The following RNF157 variants were observed in gnomAD, a reference collection of about 807,000 sequenced individuals.
The protein encoded by RNF157 is ring finger protein 157, also known as E3 ubiquitin ligase RNF157.
RNF157 carries 55 observed loss-of-function variants against 88.3 expected under a neutral mutation model. The observed-to-expected ratio is 0.62, with a 90% confidence interval of 0.50 to 0.78. The LOEUF (loss-of-function observed/expected upper bound fraction) is 0.78. Ranked by LOEUF, RNF157 falls within the 30% of genes least tolerant of loss-of-function variation. The pLI is 0.00. For missense variants in RNF157, 788 were observed against 860.8 expected (o/e 0.92, Z 1.06); for synonymous variants, 334 against 341.2 (o/e 0.98, Z 0.23).
intron 1 of RNF157, among the ~76,000 whole-genome samples, chr17:76,213,218 AT>A (rs1399821330): frequency 6.6e-6 from 1 of 152,178 alleles, no homozygotes; most frequent in African/African-American, 2.4e-5. Context: ...ACACTGTGAT[AT>A]TGTAAAATAT....
intron 17 of RNF157, chr17:76,152,997 T>C (rs2598424): frequency 0.32 from 48,943 of 152,650 alleles, 8,693 homozygotes; most frequent in African/African-American, 0.48. Flanking sequence ...GATTTCCTTC[T>C]TTATGAGACC....
intron 1 of RNF157, among the ~76,000 whole-genome samples, chr17:76,227,401 G>A (rs527704385): frequency 2.0e-5 from 3 of 152,016 alleles, no homozygotes; most frequent in South Asian, 2.1e-4. Flanking sequence ...GATTACAGGC[G>A]TGAGTCACTG....
At chr17:76,154,218 C>T in intron 17 of RNF157, 65 bp downstream of exon 17, 2 of 1,184,604 alleles carry the variant, frequency 1.7e-6, no homozygotes, top group Non-Finnish European at 2.5e-6. Context: ...CTTTTCTTTA[C>T]CCCTTAAAGA....
chr17:76,201,046 C>G (rs1225429441), intron 2 of RNF157, among the ~76,000 whole-genome samples: 1 of 152,118 alleles, frequency 6.6e-6, no homozygotes, highest in Non-Finnish European at 1.5e-5. Flanking sequence ...TGTGAACTCC[C>G]TTAATTTTCC....
At chr17:76,184,760 G>A (rs1046360723) in intron 2 of RNF157, among the ~76,000 whole-genome samples, 12 of 152,192 alleles carry the variant, frequency 7.9e-5, no homozygotes, top group African/African-American at 2.9e-4. Flanking sequence ...GCAAGAGAGT[G>A]TCACAGATGA....
At chr17:76,169,856 T>C (rs1017804196) in intron 3 of RNF157, among the ~76,000 whole-genome samples, 9 of 152,020 alleles carry the variant, frequency 5.9e-5, no homozygotes, top group Non-Finnish European at 1.0e-4. Flanking sequence ...GCTGGGATTA[T>C]AGGCGTGAGC....
At chr17:76,239,897 G>A (rs940239850) in intron 1 of RNF157, among the ~76,000 whole-genome samples, 8 of 152,170 alleles carry the variant, frequency 5.3e-5, no homozygotes, top group Non-Finnish European at 1.5e-5. Context: ...AATGGAGGCC[G>A]CTCCCGTCCT....
intron 2 of RNF157, among the ~76,000 whole-genome samples, chr17:76,181,902 T>A (rs1287688650): frequency 7.3e-6 from 1 of 136,386 alleles, no homozygotes; most frequent in Non-Finnish European, 1.6e-5. Context: ...AGTGAGACTC[T>A]GTCTCAAAAA....
chr17:76,216,915 A>AAAAC (rs202036436), intron 1 of RNF157, among the ~76,000 whole-genome samples: 26 of 151,924 alleles, frequency 1.7e-4, no homozygotes, highest in Non-Finnish European at 2.1e-4. Flanking sequence ...ACAAAAACAA[A>AAAAC]AAACAAACAA....
intron 2 of RNF157, among the ~76,000 whole-genome samples, chr17:76,200,380 T>C (rs1444738562): frequency 6.6e-6 from 1 of 152,218 alleles, no homozygotes; most frequent in African/African-American, 2.4e-5. Context: ...TATAATGGCA[T>C]ATTATTCAGC....
At chr17:76,209,828 T>C (rs748505810) in intron 2 of RNF157, among the ~76,000 whole-genome samples, 9 of 152,154 alleles carry the variant, frequency 5.9e-5, no homozygotes, top group Non-Finnish European at 1.0e-4. Context: ...GGAATGATCT[T>C]GGCTTACTGC....
At chr17:76,180,131 A>T (rs1018111327) in intron 2 of RNF157, among the ~76,000 whole-genome samples, 3 of 152,194 alleles carry the variant, frequency 2.0e-5, no homozygotes, top group African/African-American at 7.2e-5. Flanking sequence ...TCTTACCTCA[A>T]GCTCAGTATG....
At chr17:76,212,012 T>C (rs935075447) in intron 2 of RNF157, 9 of 161,460 alleles carry the variant, frequency 5.6e-5, no homozygotes, top group Non-Finnish European at 7.9e-5. Flanking sequence ...AGGCAGACAA[T>C]AAGCAGAGAA....
chr17:76,167,008 C>A lies in RNF157; in HGVS notation c.561+1G>T, dbSNP rs2068936858. 1 of 1,602,024 alleles carries A rather than the reference C, an allele frequency of 6.2e-7. No homozygotes were observed. The highest frequency in any genetic ancestry group is 1.7e-5 in the Admixed American group (1 of 57,864). On this transcript the variant is annotated splice_donor_variant, in intron 5 of 18. Coordinates refer to ENST00000269391, the MANE Select transcript of RNF157 (RefSeq NM_052916.3). LOFTEE classifies it high-confidence loss of function. The stretch of plus-strand genomic sequence containing the variant: ...GGAAACCCTCCCCAGAGGCAGCTCA[C>A]CTCCTCTTCGGCCCACTCGGAGGGA...
chr17:76,173,393 A>T (rs930127820), intron 3 of RNF157, among the ~76,000 whole-genome samples: 4 of 152,236 alleles, frequency 2.6e-5, no homozygotes, highest in Non-Finnish European at 5.9e-5. Flanking sequence ...AGCTGCAAAA[A>T]TTCCCATTTT....
At chr17:76,200,286 T>C (rs2069553096) in intron 2 of RNF157, among the ~76,000 whole-genome samples, 1 of 151,632 alleles carries the variant, frequency 6.6e-6, no homozygotes, top group Non-Finnish European at 1.5e-5. Flanking sequence ...AACCGAGGCA[T>C]TTCTTCCCTA....
At chr17:76,211,265 T>C (rs894917359) in intron 2 of RNF157, among the ~76,000 whole-genome samples, 8 of 152,250 alleles carry the variant, frequency 5.3e-5, no homozygotes, top group East Asian at 3.8e-4. Flanking sequence ...CTCTTAGGCC[T>C]GTGCCGTGCT....
chr17:76,165,585 A>C (rs2068910424), intron 6 of RNF157, 40 bp from the exon 7 acceptor site: 1 of 1,610,520 alleles, frequency 6.2e-7, no homozygotes, highest in Non-Finnish European at 8.5e-7. Flanking sequence ...AAGCCCAAAC[A>C]GCACATCTTG....
Position 76,200,228 on chromosome 17 carries a change from C to T in RNF157, c.207+12136G>A, listed in dbSNP as rs370158166. On this transcript the variant is annotated intron_variant, in intron 2 of 18. Coordinates refer to ENST00000269391, the MANE Select transcript of RNF157 (RefSeq NM_052916.3). ...CTCCATGCCAGCCTGGGCGACAGAG[C>T]GGGACTCCGTCTTGTCAAAAAAAAA... Among the ~76,000 whole-genome samples the T allele has an allele frequency of 3.7e-4, 56 of 150,618 alleles. No individual in the cohort carries two copies. The East Asian group carries it at 9.5e-3, about 26-fold the overall frequency.
Sources: gnomAD v4.1 joint callset for allele counts (sites outside exome capture counted in the v4.1 genomes callset) on GRCh38, gnomAD v4.1.1 for gene constraint, MANE v1.5 for transcripts, NCBI Gene and HGNC (gene_info 2026-07-23, HGNC 2026-07-21) for gene names.